CNTNAP2: variants seen among roughly 807,000 people sequenced by gnomAD.
CNTNAP2 encodes the protein contactin associated protein 2, also known as contactin-associated protein-like 2.
In CNTNAP2, 98 loss-of-function variants were observed where a neutral mutation model predicts 155.2. The ratio of observed to expected loss-of-function variants is 0.63; its 90% confidence interval spans 0.54 to 0.75. The LOEUF is 0.75. CNTNAP2 is among the 30% of genes least tolerant of loss of function. The pLI is 0.00. For synonymous variants in CNTNAP2, 651 were observed against 631.2 expected, an observed-to-expected ratio of 1.03 and a Z score of -0.47; for missense variants, 1,727 against 1,688.1, an observed-to-expected ratio of 1.02 and a Z score of -0.40.
intron 1 of CNTNAP2, among the ~76,000 whole-genome samples, chr7:146,483,302 T>TATATATATATATATATATATATAC (rs1797000808): frequency 1.3e-5 from 1 of 74,344 alleles, no homozygotes. Context: ...TATATATATA[T>TATATATATATATATATATATATAC]ATATATATAT....
At chr7:147,430,936 T>C (rs1394826428) in intron 10 of CNTNAP2, among the ~76,000 whole-genome samples, 3 of 151,812 alleles carry the variant, frequency 2.0e-5, no homozygotes, top group Non-Finnish European at 4.4e-5. Flanking sequence ...TAGTCTCAGC[T>C]ACTCGGGAGG....
rs1156260834 is a variant in CNTNAP2, at chr7:146,819,165, A to T, written c.209-20546A>T. 2.0e-5 allele frequency among the ~76,000 whole-genome samples: 3 copies of T among 152,280 alleles called. No individual in the cohort carries two copies. In the East Asian group the frequency reaches 5.8e-4, roughly 29 times the overall value. ...GTTACCCAACTTTCCCTTACTGATGAAAATTTAAAAGTTTCCAGTTGTAGT... is the reference window on the plus strand; with the variant it reads ...GTTACCCAACTTTCCCTTACTGATGTAAATTTAAAAGTTTCCAGTTGTAGT... On this transcript the variant is annotated intron_variant, in intron 2 of 23. Coordinates refer to ENST00000361727, the MANE Select transcript of CNTNAP2 (RefSeq NM_014141.6).
intron 4 of CNTNAP2, among the ~76,000 whole-genome samples, chr7:147,101,389 T>C (rs1800649231): frequency 6.6e-6 from 1 of 152,170 alleles, no homozygotes; most frequent in African/African-American, 2.4e-5. Context: ...AGCATGCAGG[T>C]GAGCTGGAGC....
At chr7:146,952,262 A>G (rs1797331275) in intron 3 of CNTNAP2, among the ~76,000 whole-genome samples, 1 of 152,144 alleles carries the variant, frequency 6.6e-6, no homozygotes, top group Non-Finnish European at 1.5e-5. Context: ...TAAACTAGGT[A>G]TTGTTGGAAC....
intron 2 of CNTNAP2, among the ~76,000 whole-genome samples, chr7:146,790,073 A>C (rs901954085): frequency 6.6e-6 from 1 of 152,000 alleles, no homozygotes; most frequent in African/African-American, 2.4e-5. Context: ...TAGAATGACC[A>C]TACTTCCTGG....
intron 4 of CNTNAP2, among the ~76,000 whole-genome samples, chr7:147,055,795 T>C (rs1305455599): frequency 6.6e-6 from 1 of 152,020 alleles, no homozygotes; most frequent in Non-Finnish European, 1.5e-5. Context: ...GGAAGCCCAA[T>C]ACTCAAGGAG....
intron 13 of CNTNAP2, among the ~76,000 whole-genome samples, chr7:147,697,973 A>C (rs1796186878): frequency 6.6e-6 from 1 of 152,122 alleles, no homozygotes; most frequent in Non-Finnish European, 1.5e-5. Context: ...TCATCTTTCA[A>C]GCTTGTCCAC....
Position 147,984,106 on chromosome 7 carries a change from T to C in CNTNAP2, c.2383+6117T>C, listed in dbSNP as rs183198391. Among the ~76,000 whole-genome samples, 153 of 152,310 alleles carry C rather than the reference T, an allele frequency of 1.0e-3. 2 individuals are homozygous for C. Among genetic ancestry groups the C allele is most frequent in the African/African-American group, 3.4e-3 (143 of 41,574 alleles). ...TGTTATGCTAGAGTCAGGTTAAAAT[T>C]TGGTATCTTATTGCTACAGTCTGTA... On this transcript the variant is annotated intron_variant, in intron 15 of 23. Coordinates refer to ENST00000361727, the MANE Select transcript of CNTNAP2 (RefSeq NM_014141.6).
At chr7:147,427,490 A>C (rs761790994) in intron 10 of CNTNAP2, among the ~76,000 whole-genome samples, 6 of 152,188 alleles carry the variant, frequency 3.9e-5, no homozygotes, top group Non-Finnish European at 7.4e-5. Context: ...GAGAAAGTTT[A>C]ACAATAGTTT....
intron 1 of CNTNAP2, among the ~76,000 whole-genome samples, chr7:146,761,291 AAGGAAGG>A (rs1209601934): frequency 6.2e-5 from 6 of 96,274 alleles, no homozygotes; most frequent in African/African-American, 4.0e-4. Flanking sequence ...TGCTGGAAGG[AAGGAAGG>A]AAGGAAGGAA....
chr7:146,671,078 A>C (rs1258764683), intron 1 of CNTNAP2, among the ~76,000 whole-genome samples: 2 of 152,206 alleles, frequency 1.3e-5, no homozygotes, highest in African/African-American at 2.4e-5. Context: ...CTTATCTCAG[A>C]GTTAGAAAAC....
At chr7:146,206,647 C>T (rs1798951109) in intron 1 of CNTNAP2, among the ~76,000 whole-genome samples, 2 of 151,866 alleles carry the variant, frequency 1.3e-5, no homozygotes, top group Admixed American at 1.3e-4. Flanking sequence ...AGAGGTGTTT[C>T]TGGTCAACAT....
intron 1 of CNTNAP2, among the ~76,000 whole-genome samples, chr7:146,666,716 T>A (rs1800201755): frequency 1.3e-5 from 2 of 152,176 alleles, no homozygotes; most frequent in South Asian, 4.1e-4. Context: ...TGCTATCACA[T>A]TGTGGTTTTA....
intron 1 of CNTNAP2, among the ~76,000 whole-genome samples, chr7:146,712,756 T>G (rs370119381): frequency 5.3e-5 from 8 of 152,058 alleles, no homozygotes; most frequent in African/African-American, 1.9e-4. Context: ...TTCATTTTCA[T>G]ATCATATCTT....
chr7:147,744,469 C>T (rs1033310643), intron 13 of CNTNAP2, among the ~76,000 whole-genome samples: 18 of 152,270 alleles, frequency 1.2e-4, no homozygotes, highest in African/African-American at 4.1e-4. Flanking sequence ...AAATATGTAG[C>T]GCTCTCCTTC....
At chr7:147,906,037 C>T (rs1299049538) in intron 14 of CNTNAP2, among the ~76,000 whole-genome samples, 2 of 152,236 alleles carry the variant, frequency 1.3e-5, no homozygotes, top group African/African-American at 4.8e-5. Flanking sequence ...CTGGGACACT[C>T]GCCCTTGCAT....
chr7:147,044,031 T>C lies in CNTNAP2; in HGVS notation c.527T>C (p.Ile176Thr), dbSNP rs2129255377. Residue 176 changes from isoleucine to threonine, a missense_variant, in exon 4 of 24, where the codon ATT (isoleucine) becomes ACT (threonine). Ile to Thr is a moderately conservative substitution (Grantham distance 89). Coordinates refer to ENST00000361727, the MANE Select transcript of CNTNAP2 (RefSeq NM_014141.6). ...GGAGAAGGTCGCATTGGACTCAGAA[T>C]TGAAGTTTATGGCTGTTCTTACTGT... ...WNGEGRIGLR[I>T]EVYGCSYWAD... is the part of the protein sequence containing the mutation. 3.1e-6 allele frequency: 5 copies of C among 1,614,186 alleles called. No individual in the cohort carries two copies. The highest frequency in any genetic ancestry group is 2.2e-5 in the South Asian group (2 of 91,092).
At chr7:146,222,299 A>G (rs960869709) in intron 1 of CNTNAP2, among the ~76,000 whole-genome samples, 2 of 152,232 alleles carry the variant, frequency 1.3e-5, no homozygotes, top group Non-Finnish European at 1.5e-5. Flanking sequence ...GTAAACTGCT[A>G]TCAAGAACAT....
intron 3 of CNTNAP2, among the ~76,000 whole-genome samples, chr7:146,942,008 A>G (rs1797067571): frequency 6.6e-6 from 1 of 151,932 alleles, no homozygotes; most frequent in Non-Finnish European, 1.5e-5. Flanking sequence ...AAGAACTTTG[A>G]CCTTCCTGTA....
Sources: gnomAD v4.1 joint callset for allele counts (sites outside exome capture counted in the v4.1 genomes callset) on GRCh38, gnomAD v4.1.1 for gene constraint, MANE v1.5 for transcripts, NCBI Gene and HGNC (gene_info 2026-07-23, HGNC 2026-07-21) for gene names.